The following HS2ST1 variants were observed in gnomAD, a reference collection of about 807,000 sequenced individuals.
The protein encoded by HS2ST1 is heparan sulfate 2-O-sulfotransferase 1.
A neutral mutation model predicts 42.9 loss-of-function variants in HS2ST1; 18 were observed. The observed-to-expected ratio is 0.42, with a 90% confidence interval of 0.29 to 0.62. The LOEUF (loss-of-function observed/expected upper bound fraction) is 0.62, where lower values mean the gene tolerates loss of function less well. Among genes scored for constraint, HS2ST1 ranks in the 20% least tolerant of loss-of-function variants. HS2ST1 has a pLI of 0.21. For missense variants in HS2ST1, 334 were observed against 433.8 expected (o/e 0.77, Z 2.04); for synonymous variants, 146 against 152.9 (o/e 0.95, Z 0.33).
rs1047768786 is a variant in HS2ST1, at chr1:87,086,246, G to A, written c.449+1967G>A. Among the ~76,000 whole-genome samples the A allele has an allele frequency of 5.9e-5, 9 of 152,018 alleles. No individual in the cohort carries two copies. In the South Asian group the frequency reaches 6.2e-4, roughly 10 times the overall value. Reference sequence around the variant, plus strand: ...CGGACTGCCTGAGTATATAAAAATCGCATACTCAAGTCCCTCCGTTGGCCC... The same window carrying A: ...CGGACTGCCTGAGTATATAAAAATCACATACTCAAGTCCCTCCGTTGGCCC... On this transcript the variant is annotated intron_variant, in intron 3 of 6. Coordinates refer to ENST00000370550, the MANE Select transcript of HS2ST1 (RefSeq NM_012262.4).
intron 1 of HS2ST1, among the ~76,000 whole-genome samples, chr1:86,970,613 C>T (rs921088279): frequency 9.2e-5 from 14 of 151,966 alleles, no homozygotes; most frequent in Non-Finnish European, 1.5e-4. Flanking sequence ...AGGCTGGTCT[C>T]GAACACCTGA....
intron 1 of HS2ST1, among the ~76,000 whole-genome samples, chr1:86,944,914 C>G (rs1647284620): frequency 6.6e-6 from 1 of 151,766 alleles, no homozygotes; most frequent in Admixed American, 6.6e-5. Flanking sequence ...TACCCCACTT[C>G]CATTGTACGT....
chr1:86,978,083 C>T (rs1648473547), intron 1 of HS2ST1, among the ~76,000 whole-genome samples: 1 of 152,114 alleles, frequency 6.6e-6, no homozygotes, highest in African/African-American at 2.4e-5. Context: ...GTTACAATTG[C>T]CTAAATTTAG....
chr1:86,973,880 G>A (rs1648311930), intron 1 of HS2ST1, among the ~76,000 whole-genome samples: 1 of 152,156 alleles, frequency 6.6e-6, no homozygotes, highest in South Asian at 2.1e-4. Context: ...CCCTTATCCA[G>A]AGGAGTCTTG....
chr1:86,954,046 A>ATTT (rs1557492052), intron 1 of HS2ST1, among the ~76,000 whole-genome samples: 3 of 127,180 alleles, frequency 2.4e-5, no homozygotes, highest in Non-Finnish European at 4.7e-5. Context: ...TTTTTAAAAA[A>ATTT]AAAAAAAAAA....
At chr1:87,090,500 T>C (rs372697792) in intron 3 of HS2ST1, among the ~76,000 whole-genome samples, 3 of 152,038 alleles carry the variant, frequency 2.0e-5, no homozygotes, top group Non-Finnish European at 4.4e-5. Context: ...AAGAGTTAAG[T>C]TGCTTGATAG....
chr1:87,071,994 A>G (rs1158836183), intron 1 of HS2ST1, among the ~76,000 whole-genome samples: 3 of 151,956 alleles, frequency 2.0e-5, no homozygotes, highest in East Asian at 3.8e-4. Context: ...TTATTCATAT[A>G]TATTTATAAA....
chr1:87,052,200 C>T (rs560656584), intron 1 of HS2ST1, among the ~76,000 whole-genome samples: 1 of 152,290 alleles, frequency 6.6e-6, no homozygotes, highest in South Asian at 2.1e-4. Context: ...CTGCAGTGAG[C>T]CCTAATCATG....
chr1:86,975,920 A>G (rs996166436), intron 1 of HS2ST1, among the ~76,000 whole-genome samples: 6 of 152,192 alleles, frequency 3.9e-5, no homozygotes, highest in African/African-American at 1.4e-4. Flanking sequence ...ATTTTGGCCA[A>G]ATACTTTGGA....
At chr1:86,992,359 T>C (rs1000697104) in intron 1 of HS2ST1, among the ~76,000 whole-genome samples, 1 of 148,760 alleles carries the variant, frequency 6.7e-6, no homozygotes, top group Non-Finnish European at 1.5e-5. Flanking sequence ...TAATTTTCTC[T>C]TTCTTTTTTT....
chr1:86,998,602 A>G (rs949168138), intron 1 of HS2ST1, among the ~76,000 whole-genome samples: 7 of 152,144 alleles, frequency 4.6e-5, no homozygotes, highest in African/African-American at 1.2e-4. Flanking sequence ...AGATTTTATT[A>G]TGTTTCAAGA....
chr1:87,097,863 G>A lies in HS2ST1; in HGVS notation c.614G>A (p.Gly205Asp), dbSNP rs1652105652. 1 of 1,613,946 alleles carries A rather than the reference G, an allele frequency of 6.2e-7. No individual in the cohort carries two copies. Among genetic ancestry groups the A allele is most frequent in the Non-Finnish European group, 8.5e-7 (1 of 1,179,962 alleles). Residue 205 changes from glycine (G) to aspartate (D), a missense_variant, in exon 5 of 7, where the codon GGT becomes GAT. Physicochemically the swap from Gly to Asp is moderately conservative, Grantham distance 94. Transcript: ENST00000370550. ...ACCTTTGATGAATGTGTAGCAGAAG[G>A]TGGCTCAGACTGTGCTCCAGAGAAG... ...KKTFDECVAE[G>D]GSDCAPEKLW... is the part of the protein sequence containing the mutation.
At chr1:86,953,535 G>A (rs527474044) in intron 1 of HS2ST1, among the ~76,000 whole-genome samples, 30 of 152,218 alleles carry the variant, frequency 2.0e-4, no homozygotes, top group East Asian at 3.9e-4. Flanking sequence ...GGCAGGCAGC[G>A]GATCACTTGA....
chr1:86,938,961 G>A (rs1156671239), intron 1 of HS2ST1, among the ~76,000 whole-genome samples: 1 of 152,122 alleles, frequency 6.6e-6, no homozygotes, highest in African/African-American at 2.4e-5. Flanking sequence ...TTTCTATATG[G>A]TCTTTCATTC....
intron 1 of HS2ST1, among the ~76,000 whole-genome samples, chr1:86,964,451 C>T (rs1247071014): frequency 6.6e-6 from 1 of 152,224 alleles, no homozygotes; most frequent in Non-Finnish European, 1.5e-5. Context: ...GCCCGGCCAA[C>T]ACAGCGAAAC....
In HS2ST1 at chr1:86,992,362, CT is replaced by C. The variant is rs564090660; in HGVS notation, c.124+77214del. Among the ~76,000 whole-genome samples the C allele has an allele frequency of 9.3e-3, 1,359 of 146,030 alleles. 15 individuals carry two copies. Among genetic ancestry groups the C allele is most frequent in the African/African-American group, 0.029 (1,179 of 39,994 alleles). ...TTTGTAACACTTTAATTTTCTCTTT[CT>C]TTTTTTTTTTTGTGTGTGTGAGATG... On this transcript the variant is annotated intron_variant, in intron 1 of 6. Transcript: ENST00000370550.
At chr1:87,005,423 G>T (rs1649408919) in intron 1 of HS2ST1, among the ~76,000 whole-genome samples, 1 of 151,934 alleles carries the variant, frequency 6.6e-6, no homozygotes, top group African/African-American at 2.4e-5. Flanking sequence ...AAATTATAAA[G>T]TAAATAAAGG....
At chr1:87,017,074 A>C (rs1649780214) in intron 1 of HS2ST1, among the ~76,000 whole-genome samples, 1 of 152,016 alleles carries the variant, frequency 6.6e-6, no homozygotes, top group Non-Finnish European at 1.5e-5. Flanking sequence ...TGAGGCTGTA[A>C]AATTAAGAGT....
intron 1 of HS2ST1, among the ~76,000 whole-genome samples, chr1:86,958,212 A>G (rs1647730241): frequency 6.6e-6 from 1 of 152,340 alleles, no homozygotes; most frequent in Admixed American, 6.5e-5. Flanking sequence ...AAAAAACTTA[A>G]CTACTGATAG....
Sources: allele counts gnomAD v4.1 joint callset (sites outside exome capture counted in the v4.1 genomes callset), GRCh38; gene constraint gnomAD v4.1.1; transcripts MANE v1.5; gene names NCBI Gene and HGNC (gene_info 2026-07-23, HGNC 2026-07-21).